Variants in ATP6V1B2 observed in about 807,000 individuals in gnomAD.
ATP6V1B2 encodes the protein ATPase H+ transporting V1 subunit B2, also known as V-type proton ATPase subunit B, brain isoform.
ATP6V1B2 carries 23 observed loss-of-function variants against 66.7 expected under a neutral mutation model. That is an observed-to-expected ratio of 0.34 (90% CI 0.25 to 0.49). The LOEUF (loss-of-function observed/expected upper bound fraction) is 0.49, where lower values mean the gene tolerates loss of function less well. Among genes scored for constraint, ATP6V1B2 ranks in the 20% least tolerant of loss-of-function variants. The probability of loss-of-function intolerance (pLI) is 0.99; values close to 1 mark genes in which losing one functional copy is unlikely to be tolerated. For missense variants in ATP6V1B2, 478 were observed against 650.8 expected, an observed-to-expected ratio of 0.73 and a Z score of 2.89; for synonymous variants, 278 against 236.7, an observed-to-expected ratio of 1.17 and a Z score of -1.60.
intron 1 of ATP6V1B2, among the ~76,000 whole-genome samples, chr8:20,203,114 C>A (rs1029697396): frequency 6.6e-6 from 1 of 152,108 alleles, no homozygotes; most frequent in Non-Finnish European, 1.5e-5. Flanking sequence ...TGGGGTCTTT[C>A]TAGTAATCTA....
intron 13 of ATP6V1B2, 101 bp downstream of exon 13, chr8:20,218,383 T>G: frequency 1.4e-6 from 2 of 1,458,848 alleles, no homozygotes; most frequent in South Asian, 2.8e-5. Context: ...TATATAGTTA[T>G]TTCTCTGGTT....
intron 1 of ATP6V1B2, 124 bp downstream of exon 1, chr8:20,197,666 G>GACCC: frequency 8.4e-7 from 1 of 1,187,184 alleles, no homozygotes. Flanking sequence ...TCTCCCCTCC[G>GACCC]ACCCTGACCC....
At chr8:20,208,915 G>A (rs563884842) in intron 2 of ATP6V1B2, among the ~76,000 whole-genome samples, 2 of 151,738 alleles carry the variant, frequency 1.3e-5, no homozygotes, top group Non-Finnish European at 2.9e-5. Flanking sequence ...CACCATGTTG[G>A]CCAGGCTGGT....
chr8:20,212,767 A>G lies in ATP6V1B2; in HGVS notation c.804-15A>G, dbSNP rs1200653087. On this transcript the variant is annotated splice_polypyrimidine_tract_variant and intron_variant, in intron 8 of 13. Coordinates refer to ENST00000276390, the MANE Select transcript of ATP6V1B2 (RefSeq NM_001693.4). Reference sequence around the variant, plus strand: ...TTTTGGTTTGAGTGGCCTAAGACTTAATGTTCCCTTTCAGCATTGAGCGAA... The same window carrying G: ...TTTTGGTTTGAGTGGCCTAAGACTTGATGTTCCCTTTCAGCATTGAGCGAA... 2 of 1,611,648 alleles carry G rather than the reference A, an allele frequency of 1.2e-6. No homozygotes were observed. Among genetic ancestry groups the G allele is most frequent in the South Asian group, 2.2e-5 (2 of 90,378 alleles).
In ATP6V1B2 at chr8:20,220,653, T is replaced by G. The variant is rs2072898403; in HGVS notation, c.*251T>G. On this transcript the variant is annotated 3_prime_UTR_variant, in exon 14 of 14. Coordinates refer to ENST00000276390, the MANE Select transcript of ATP6V1B2 (RefSeq NM_001693.4). ...CAGGGATGGAGTGGCGTTTTCTTAT[T>G]GCTGTATGTATTGTACATAGTGGAG... The G allele has an allele frequency of 2.3e-6, 1 of 429,954 alleles. No homozygotes were observed. Among genetic ancestry groups the G allele is most frequent in the African/African-American group, 2.1e-5 (1 of 48,088 alleles). 26.6% of individuals were successfully genotyped at this position (429,954 alleles called of 1,614,324 possible). A position where few individuals can be genotyped will look rare whatever the true frequency, so the allele number is the denominator to read the frequency against.
chr8:20,199,203 G>A (rs980661456), intron 1 of ATP6V1B2, among the ~76,000 whole-genome samples: 7 of 152,196 alleles, frequency 4.6e-5, no homozygotes, highest in Admixed American at 1.3e-4. Context: ...CAGTTGCTGA[G>A]GGATTTTTCC....
rs144600508 is a variant in ATP6V1B2, at chr8:20,210,796, A to G, written c.463+150A>G. The G allele has an allele frequency of 8.1e-5, 33 of 405,914 alleles. 2 individuals carry two copies. The Middle Eastern group carries it at 2.1e-3, about 26-fold the overall frequency. 25.1% of individuals were successfully genotyped at this position (405,914 alleles called of 1,614,324 possible). A position where few individuals can be genotyped will look rare whatever the true frequency, so the allele number is the denominator to read the frequency against. On this transcript the variant is annotated intron_variant, in intron 5 of 13. Transcript: ENST00000276390. ...TTATAAATTATTTTATTATTTAATT[A>G]TATTTTCTTAGAAATTATCGTAAAA... is the stretch of plus-strand genomic sequence containing the variant.
At chr8:20,206,230 T>C (rs957545040) in intron 2 of ATP6V1B2, among the ~76,000 whole-genome samples, 3 of 152,234 alleles carry the variant, frequency 2.0e-5, no homozygotes, top group African/African-American at 7.2e-5. Flanking sequence ...TTTTTTCCTA[T>C]AACAATTCAG....
chr8:20,197,385 C>T lies in ATP6V1B2; in HGVS notation c.-22C>T, dbSNP rs534462792. 1 of 1,484,474 alleles carries T rather than the reference C, an allele frequency of 6.7e-7. No individual in the cohort carries two copies. Among genetic ancestry groups the T allele is most frequent in the Non-Finnish European group, 9.0e-7 (1 of 1,115,252 alleles). 92.0% of individuals were successfully genotyped at this position (1,484,474 alleles called of 1,614,324 possible). ...CGCGTGCGCGGCGTCGCTGCTGGGC[C>T]AGTCGGGACAGAGGAGACAAGATGG... On this transcript the variant is annotated 5_prime_UTR_variant, in exon 1 of 14. Transcript: ENST00000276390.
intron 5 of ATP6V1B2, 147 bp from the exon 6 acceptor site, chr8:20,211,029 TA>T (rs2072788078): frequency 9.4e-7 from 1 of 1,059,504 alleles, no homozygotes; most frequent in African/African-American, 1.7e-5. Flanking sequence ...ATTTGAAAAA[TA>T]ACTGATTTTT....
intron 1 of ATP6V1B2, among the ~76,000 whole-genome samples, chr8:20,200,285 T>G (rs1407721679): frequency 1.3e-5 from 2 of 152,122 alleles, no homozygotes; most frequent in African/African-American, 4.8e-5. Flanking sequence ...CTCAAAGTGC[T>G]GGGATTACAG....
At chr8:20,200,922 C>G (rs188375222) in intron 1 of ATP6V1B2, among the ~76,000 whole-genome samples, 1 of 152,304 alleles carries the variant, frequency 6.6e-6, no homozygotes, top group East Asian at 1.9e-4. Flanking sequence ...GGCTAAAAGA[C>G]TAGGACACTT....
At chr8:20,212,732 C>G (rs779279836) in intron 8 of ATP6V1B2, 50 bp from the exon 9 acceptor site, 1 of 1,582,884 alleles carries the variant, frequency 6.3e-7, no homozygotes. Context: ...TTTGTGTTTT[C>G]TTTTTGGTCT....
In ATP6V1B2 at chr8:20,197,502, G is replaced by T. The variant is rs1451752752; in HGVS notation, c.96G>T (p.Ala32=). The T allele has an allele frequency of 6.7e-7, 1 of 1,489,028 alleles. No homozygotes were observed. The allele number at this position is 1,489,028 out of a possible 1,614,324, so 92.2% of individuals were successfully genotyped here. The change falls in exon 1 of 14, where the codon GCG becomes GCT. Residue 32 remains alanine, a synonymous_variant. Transcript: ENST00000276390. ...GGPAVGAREQ[A]LAVSRNYLSQ... The stretch of plus-strand genomic sequence containing the variant: ...CGGCGGTGGGAGCTCGGGAGCAGGC[G>T]CTGGCAGTCAGTCGGAACTACCTCT...
chr8:20,214,805 G>A lies in ATP6V1B2; in HGVS notation c.928-13G>A. On this transcript the variant is annotated splice_polypyrimidine_tract_variant and intron_variant, in intron 9 of 13. Coordinates refer to ENST00000276390, the MANE Select transcript of ATP6V1B2 (RefSeq NM_001693.4). ...TATCGTGCATGATACTCTTCTGCTTGACCTGCTGTCAGGTTTCAGCAGCCA... is the reference window on the plus strand; with the variant it reads ...TATCGTGCATGATACTCTTCTGCTTAACCTGCTGTCAGGTTTCAGCAGCCA... 6.2e-7 allele frequency: 1 copy of A among 1,607,180 alleles called. No homozygotes were observed. The highest frequency in any genetic ancestry group is 8.5e-7 in the Non-Finnish European group (1 of 1,176,456).
chr8:20,209,807 A>C (rs779281904), intron 3 of ATP6V1B2, among the ~76,000 whole-genome samples: 3 of 152,282 alleles, frequency 2.0e-5, no homozygotes, highest in Middle Eastern at 3.4e-3. Context: ...GATGTGATGA[A>C]ACCAACAGGA....
chr8:20,208,999 G>A (rs530293234), intron 2 of ATP6V1B2, among the ~76,000 whole-genome samples: 10 of 152,070 alleles, frequency 6.6e-5, no homozygotes, highest in Non-Finnish European at 1.3e-4. Context: ...GTGAGCCACC[G>A]CGCCTAGCCT....
At chr8:20,202,185 T>C (rs1477877931) in intron 1 of ATP6V1B2, among the ~76,000 whole-genome samples, 1 of 152,186 alleles carries the variant, frequency 6.6e-6, no homozygotes, top group African/African-American at 2.4e-5. Context: ...TATCGCTTCA[T>C]AATTCTTACA....
At position 20,212,215 on chromosome 8, in the gene ATP6V1B2, A is replaced by G. The variant is rs777300174; in HGVS notation, c.803+16A>G. On this transcript the variant is annotated intron_variant, in intron 8 of 13. Coordinates refer to ENST00000276390, the MANE Select transcript of ATP6V1B2 (RefSeq NM_001693.4). ...ATGACCCAACGTAAGTAACAGAGCT[A>G]TTTCTTTCTGTGGCCCAGACTCGGG... 1.0e-4 allele frequency: 161 copies of G among 1,609,190 alleles called. No homozygotes were observed. The highest frequency in any genetic ancestry group is 1.3e-4 in the Non-Finnish European group (150 of 1,176,184).
Sources: allele counts gnomAD v4.1 joint callset (sites outside exome capture counted in the v4.1 genomes callset), GRCh38; gene constraint gnomAD v4.1.1; transcripts MANE v1.5; gene names NCBI Gene and HGNC (gene_info 2026-07-23, HGNC 2026-07-21).